The following DAPK1 variants were observed in gnomAD, a reference collection of about 807,000 sequenced individuals.
The protein encoded by DAPK1 is death associated protein kinase 1.
DAPK1 carries 56 observed loss-of-function variants against 144.9 expected under a neutral mutation model. The observed-to-expected ratio is 0.39, with a 90% CI of 0.31 to 0.48. The LOEUF (loss-of-function observed/expected upper bound fraction) is 0.48, where lower values mean the gene tolerates loss of function less well. Ranked by LOEUF, DAPK1 falls within the 20% of genes least tolerant of loss-of-function variation. The pLI, the probability that DAPK1 is intolerant of heterozygous loss-of-function variation, is 0.95. For missense variants in DAPK1, 1,454 were observed against 1,875.4 expected (o/e 0.78, Z 4.15); for synonymous variants, 690 against 749.0 (o/e 0.92, Z 1.29).
At chr9:87,596,235 C>A (rs967876198) in intron 2 of DAPK1, among the ~76,000 whole-genome samples, 3 of 152,172 alleles carry the variant, frequency 2.0e-5, no homozygotes, top group Non-Finnish European at 4.4e-5. Flanking sequence ...GTTTCCTCTT[C>A]ACACGCATTC....
chr9:87,590,114 T>A, intron 2 of DAPK1, among the ~76,000 whole-genome samples: 1 of 152,196 alleles, frequency 6.6e-6, no homozygotes, highest in East Asian at 1.9e-4. Flanking sequence ...AGCCAATTAA[T>A]CTTGGAGAGG....
At chr9:87,546,474 G>T (rs1222957907) in intron 2 of DAPK1, among the ~76,000 whole-genome samples, 1 of 152,252 alleles carries the variant, frequency 6.6e-6, no homozygotes, top group East Asian at 1.9e-4. Context: ...GGTAGGGGTG[G>T]GTGGTCTGAG....
At chr9:87,585,079 C>T (rs1186358519) in intron 2 of DAPK1, among the ~76,000 whole-genome samples, 3 of 152,210 alleles carry the variant, frequency 2.0e-5, no homozygotes, top group Admixed American at 6.5e-5. Flanking sequence ...TATATTTTGA[C>T]TGTTCACTCA....
At chr9:87,603,414 A>T (rs1036084453) in intron 2 of DAPK1, among the ~76,000 whole-genome samples, 1 of 152,180 alleles carries the variant, frequency 6.6e-6, no homozygotes, top group East Asian at 1.9e-4. Flanking sequence ...TCAGCTTCTC[A>T]GCTATCCTGC....
intron 24 of DAPK1, among the ~76,000 whole-genome samples, 158 bp from the exon 25 acceptor site, chr9:87,702,871 A>T (rs1379821992): frequency 6.6e-6 from 1 of 152,056 alleles, no homozygotes; most frequent in Admixed American, 6.5e-5. Flanking sequence ...GACCCAGTCT[A>T]AAAAAAGAAA....
At chr9:87,586,751 C>G (rs1827952601) in intron 2 of DAPK1, among the ~76,000 whole-genome samples, 3 of 152,236 alleles carry the variant, frequency 2.0e-5, no homozygotes, top group Admixed American at 2.0e-4. Flanking sequence ...ATTAACTCTT[C>G]TGAATCTGTG....
chr9:87,532,802 G>A (rs1825740276), intron 2 of DAPK1, among the ~76,000 whole-genome samples: 1 of 152,046 alleles, frequency 6.6e-6, no homozygotes, highest in Non-Finnish European at 1.5e-5. Flanking sequence ...AGAGAAGTTG[G>A]TAGAACTGTA....
intron 3 of DAPK1, among the ~76,000 whole-genome samples, chr9:87,631,175 G>A (rs1829675240): frequency 1.3e-5 from 2 of 152,150 alleles, no homozygotes; most frequent in Non-Finnish European, 1.5e-5. Flanking sequence ...CCTTGAAATT[G>A]GCCTCATGGG....
chr9:87,502,061 G>A (rs1414502283), intron 2 of DAPK1, among the ~76,000 whole-genome samples: 4 of 152,156 alleles, frequency 2.6e-5, no homozygotes, highest in African/African-American at 4.8e-5. Context: ...TAGACTGGCT[G>A]AGACATCTGG....
intron 2 of DAPK1, among the ~76,000 whole-genome samples, chr9:87,552,963 G>T (rs1288955119): frequency 1.3e-5 from 2 of 152,100 alleles, no homozygotes; most frequent in South Asian, 4.1e-4. Flanking sequence ...TTCACGTTGT[G>T]TTGCAGCCCT....
At chr9:87,570,615 C>T (rs1827295207) in intron 2 of DAPK1, among the ~76,000 whole-genome samples, 1 of 152,146 alleles carries the variant, frequency 6.6e-6, no homozygotes, top group African/African-American at 2.4e-5. Context: ...CACCTACAAA[C>T]AAGGGACTGC....
At chr9:87,575,682 C>T (rs558831406) in intron 2 of DAPK1, among the ~76,000 whole-genome samples, 5 of 152,324 alleles carry the variant, frequency 3.3e-5, no homozygotes, top group Admixed American at 6.5e-5. Context: ...GTCCAAATTT[C>T]TGTACAGATG....
At chr9:87,543,425 G>T (rs1483474826) in intron 2 of DAPK1, among the ~76,000 whole-genome samples, 1 of 152,168 alleles carries the variant, frequency 6.6e-6, no homozygotes, top group Non-Finnish European at 1.5e-5. Context: ...GAATCATTTT[G>T]AGTGCAGTTT....
intron 3 of DAPK1, among the ~76,000 whole-genome samples, chr9:87,609,745 C>G (rs1159751394): frequency 1.3e-5 from 2 of 152,088 alleles, no homozygotes; most frequent in Non-Finnish European, 2.9e-5. Flanking sequence ...AGAATATAAC[C>G]CCAGGAGGTA....
chr9:87,550,458 C>G (rs1170003431), intron 2 of DAPK1, among the ~76,000 whole-genome samples: 2 of 152,236 alleles, frequency 1.3e-5, no homozygotes, highest in Non-Finnish European at 2.9e-5. Flanking sequence ...GGCTTCTCTG[C>G]TAGCTCCTGG....
intron 3 of DAPK1, among the ~76,000 whole-genome samples, chr9:87,607,582 ATTTTT>A (rs765188446): frequency 6.6e-6 from 1 of 151,612 alleles, no homozygotes; most frequent in East Asian, 1.9e-4. Flanking sequence ...GCATACAATT[ATTTTT>A]TTTTACCATT....
intron 1 of DAPK1, 24 bp downstream of exon 1, chr9:87,498,131 CG>C: frequency 2.5e-6 from 1 of 397,362 alleles, no homozygotes; most frequent in Non-Finnish European, 4.4e-6. Context: ...CGCGGCTCCC[CG>C]GTCCCCCCGA....
intron 21 of DAPK1, among the ~76,000 whole-genome samples, 177 bp from the exon 22 acceptor site, chr9:87,696,830 A>G (rs902692749): frequency 1.3e-5 from 2 of 152,200 alleles, no homozygotes; most frequent in African/African-American, 2.4e-5. Flanking sequence ...AGTGATTTCA[A>G]TATGAGTTTT....
intron 3 of DAPK1, among the ~76,000 whole-genome samples, chr9:87,625,278 G>C (rs1829453693): frequency 6.6e-6 from 1 of 152,242 alleles, no homozygotes. Flanking sequence ...GCAGCTTTCA[G>C]CTGAAGGCCA....
Sources: allele counts gnomAD v4.1 joint callset (sites outside exome capture counted in the v4.1 genomes callset), GRCh38; gene constraint gnomAD v4.1.1; transcripts MANE v1.5; gene names NCBI Gene and HGNC (gene_info 2026-07-23, HGNC 2026-07-21).